CAPN11: variants seen among roughly 807,000 people sequenced by gnomAD.
CAPN11 encodes calpain 11.
A neutral mutation model predicts 105.3 loss-of-function variants in CAPN11; 108 were observed. The observed-to-expected ratio is 1.03, with a 90% CI of 0.88 to 1.20. The LOEUF (loss-of-function observed/expected upper bound fraction) is 1.20, where lower values mean the gene tolerates loss of function less well. Among genes scored for constraint, CAPN11 ranks in the 50% most tolerant of loss-of-function variants. The probability of loss-of-function intolerance (pLI) is 0.00; values close to 1 mark genes in which losing one functional copy is unlikely to be tolerated. For missense variants in CAPN11, 883 were observed against 924.8 expected, an observed-to-expected ratio of 0.95 and a Z score of 0.59; for synonymous variants, 329 against 344.5, an observed-to-expected ratio of 0.96 and a Z score of 0.50.
intron 2 of CAPN11, among the ~76,000 whole-genome samples, chr6:44,168,610 ATATT>A (rs886360899): frequency 3.3e-5 from 5 of 151,424 alleles, no homozygotes; most frequent in African/African-American, 9.7e-5. Context: ...TTTAAAAAAA[ATATT>A]TATTTATTTA....
intron 21 of CAPN11, 124 bp from the exon 22 acceptor site, chr6:44,183,581 G>C (rs867168682): frequency 5.7e-6 from 5 of 884,940 alleles, no homozygotes; most frequent in Middle Eastern, 4.3e-4. Context: ...CACTTGGCTA[G>C]GGGATTTATG....
chr6:44,175,453 C>T (rs1771806815), intron 7 of CAPN11, among the ~76,000 whole-genome samples: 1 of 149,908 alleles, frequency 6.7e-6, no homozygotes, highest in East Asian at 2.0e-4. Flanking sequence ...GCACTCCAGC[C>T]TGGGTGACAC....
At chr6:44,182,386 A>T (rs570247805) in intron 19 of CAPN11, among the ~76,000 whole-genome samples, 10 of 152,296 alleles carry the variant, frequency 6.6e-5, no homozygotes, top group Non-Finnish European at 1.3e-4. Context: ...TACCCAGTCA[A>T]AATATTTTAT....
chr6:44,169,510 C>A lies in CAPN11; in HGVS notation c.318C>A (p.Asn106Lys). ...DLGPNSKNVQ[N>K]ISWQRPKDII... Reference sequence around the variant, plus strand: ...GCCCCAACTCCAAAAATGTGCAGAACATCTCCTGGCAGCGGCCCAAGGTGG... The same window carrying A: ...GCCCCAACTCCAAAAATGTGCAGAAAATCTCCTGGCAGCGGCCCAAGGTGG... The change falls in exon 3 of 23, where the codon AAC becomes AAA. Residue 106 changes from asparagine to lysine, a missense_variant. Asn to Lys is a moderately conservative substitution (Grantham distance 94). Coordinates refer to ENST00000398776, the MANE Select transcript of CAPN11 (RefSeq NM_007058.4). 1 of 1,589,466 alleles carries A rather than the reference C, an allele frequency of 6.3e-7. No homozygotes were observed. The highest frequency in any genetic ancestry group is 8.6e-7 in the Non-Finnish European group (1 of 1,167,950).
intron 7 of CAPN11, among the ~76,000 whole-genome samples, chr6:44,174,515 C>CAAAAAAAAAAAAAAAAAAAAAAAAAAA (rs66536720): frequency 1.3e-5 from 1 of 77,308 alleles, no homozygotes; most frequent in Admixed American, 1.5e-4. Context: ...TCATCTCTAC[C>CAAAAAAAAAAAAAAAAAAAAAAAAAAA]AAAAAAAAAA....
rs1452153772 is a variant in CAPN11, at chr6:44,172,399, T to C, written c.507T>C (p.Tyr169=). 1.9e-6 allele frequency: 3 copies of C among 1,556,100 alleles called. No individual in the cohort carries two copies. The highest frequency in any genetic ancestry group is 2.6e-6 in the Non-Finnish European group (3 of 1,149,372). The change falls in exon 5 of 23, where the codon TAT becomes TAC. Residue 169 remains tyrosine (Y), a synonymous_variant. Transcript: ENST00000398776. ...VPRGQSFKKN[Y]AGIFHFQIWQ... ...GAGGACAGAGCTTCAAGAAAAACTA[T>C]GCTGGCATCTTCCATTTTCAGGTGA...
chr6:44,177,093 T>A (rs1772185496), intron 11 of CAPN11, 95 bp downstream of exon 11: 1 of 1,503,408 alleles, frequency 6.7e-7, no homozygotes. Flanking sequence ...GTCACCGGAG[T>A]CAGGGTCCAT....
chr6:44,173,186 A>T, intron 6 of CAPN11, 32 bp from the exon 7 acceptor site: 1 of 1,611,714 alleles, frequency 6.2e-7, no homozygotes, highest in African/African-American at 1.3e-5. Flanking sequence ...CCTCCATCCT[A>T]GAGCCCAACA....
chr6:44,180,497 G>C lies in CAPN11; in HGVS notation c.1678G>C (p.Glu560Gln). The change falls in exon 15 of 23, where the codon GAG becomes CAG. Residue 560 changes from glutamate (E) to glutamine (Q), a missense_variant and splice_region_variant. Transcript: ENST00000398776. ...DEVNYAEQLQ[E>Q]EKVSEDDMDQ... is the part of the protein sequence containing the mutation. ...AGTCAACTATGCTGAGCAACTCCAA[G>C]AGGTGAGGGGAGACTGTAGGGCTGG... 6.2e-7 allele frequency: 1 copy of C among 1,613,776 alleles called. No homozygotes were observed. Among genetic ancestry groups the C allele is most frequent in the Non-Finnish European group, 8.5e-7 (1 of 1,179,850 alleles).
chr6:44,182,955 G>A lies in CAPN11; in HGVS notation c.1953G>A (p.Glu651=). 6.2e-7 allele frequency: 1 copy of A among 1,609,060 alleles called. No homozygotes were observed. The highest frequency in any genetic ancestry group is 1.7e-5 in the Admixed American group (1 of 59,286). ...KLKKWMDIFR[E]CDQDHSGTLN... ...TGTCTCTTCAGGACATCTTCAGAGA[G>A]TGTGACCAGGACCATTCAGGCACCT... Residue 651 remains glutamate (E), a synonymous_variant, in exon 20 of 23, where the codon GAG becomes GAA. Coordinates refer to ENST00000398776, the MANE Select transcript of CAPN11 (RefSeq NM_007058.4).
chr6:44,179,306 T>TC (rs1203900964), intron 12 of CAPN11, among the ~76,000 whole-genome samples: 2 of 151,838 alleles, frequency 1.3e-5, no homozygotes, highest in Admixed American at 1.3e-4. Flanking sequence ...GAAGGAATTT[T>TC]TTTTTTTTTT....
Position 44,177,416 on chromosome 6 carries a change from ACGCGGTGGGTGCCTGGCTGGT to A in CAPN11, c.1414_1416+18del. 6.2e-7 allele frequency: 1 copy of A among 1,609,930 alleles called. No homozygotes were observed. The highest frequency in any genetic ancestry group is 2.2e-5 in the East Asian group (1 of 44,792). On this transcript the variant is annotated splice_donor_variant and splice_donor_5th_base_variant and coding_sequence_variant and intron_variant, in exon 12 of 23. Transcript: ENST00000398776. LOFTEE classifies it high-confidence loss of function. Reference sequence around the variant, plus strand: ...CTGCAGACCATTGGCTTTGTCCTCTACGCGGTGGGTGCCTGGCTGGTCTCGCCCGCCACTCACTCTCCCTCA... The same window carrying A: ...CTGCAGACCATTGGCTTTGTCCTCTACTCGCCCGCCACTCACTCTCCCTCA...
Position 44,180,997 on chromosome 6 carries a change from T to A in CAPN11, c.1869T>A (p.Asp623Glu). 1 of 1,612,554 alleles carries A rather than the reference T, an allele frequency of 6.2e-7. No individual in the cohort carries two copies. The highest frequency in any genetic ancestry group is 1.7e-4 in the Middle Eastern group (1 of 6,058). Residue 623 changes from aspartate to glutamate, a missense_variant and splice_region_variant, in exon 18 of 23, where the codon GAT becomes GAA. Physicochemically the swap from Asp to Glu is conservative, Grantham distance 45. Coordinates refer to ENST00000398776, the MANE Select transcript of CAPN11 (RefSeq NM_007058.4). ...GCCGCTGCATGATCAACCTCATGGA[T>A]GTATCCTCCTGTCCAGTGCTCTCTT... ...DACRCMINLM[D>E]KDGSGKLGLL...
chr6:44,172,559 TGCC>T, intron 5 of CAPN11, 139 bp downstream of exon 5: 1 of 603,558 alleles, frequency 1.7e-6, no homozygotes, highest in East Asian at 2.9e-5. Context: ...GAGAAATATC[TGCC>T]CACCAAAGAA....
rs1191400044 is a variant in CAPN11 at position 44,183,212 on chromosome 6, T to A, written c.2111T>A (p.Phe704Tyr). ...IIDFDSFISC[F>Y]LRLKTMFTFF... ...GACTTTGACAGCTTCATCAGCTGTT[T>A]CCTGAGGCTAAAGACCATGTTCAGT... The change falls in exon 21 of 23, where the codon TTC (phenylalanine) becomes TAC (tyrosine). Residue 704 changes from phenylalanine to tyrosine, a missense_variant. Coordinates refer to ENST00000398776, the MANE Select transcript of CAPN11 (RefSeq NM_007058.4). 1 of 1,611,058 alleles carries A rather than the reference T, an allele frequency of 6.2e-7. No homozygotes were observed. Among genetic ancestry groups the A allele is most frequent in the Non-Finnish European group, 8.5e-7 (1 of 1,177,230 alleles).
At position 44,182,973 on chromosome 6, in the gene CAPN11, A is replaced by G; in HGVS notation, c.1971A>G (p.Ser657=). ...TCAGAGAGTGTGACCAGGACCATTC[A>G]GGCACCTTGAACTCCTATGAGATGC... ...DIFRECDQDH[S]GTLNSYEMRL... Residue 657 remains serine, a synonymous_variant, in exon 20 of 23, where the codon TCA becomes TCG. Transcript: ENST00000398776. 2 of 1,611,288 alleles carry G rather than the reference A, an allele frequency of 1.2e-6. No homozygotes were observed. The highest frequency in any genetic ancestry group is 1.1e-5 in the South Asian group (1 of 90,542).
chr6:44,160,616 C>CA lies in CAPN11; in HGVS notation c.16+1760dup, dbSNP rs200051603. On this transcript the variant is annotated intron_variant, in intron 1 of 22. Coordinates refer to ENST00000398776, the MANE Select transcript of CAPN11 (RefSeq NM_007058.4). ...TGGGCGACAGAGTGAGACTCCGCCT[C>CA]AAAAAAAACCTCAAAAAACAACAAC... is the stretch of plus-strand genomic sequence containing the variant. Among the ~76,000 whole-genome samples the CA allele has an allele frequency of 9.5e-3, 1,448 of 151,886 alleles. 26 individuals carry two copies. The highest frequency in any genetic ancestry group is 0.032 in the African/African-American group (1,332 of 41,434).
intron 2 of CAPN11, 37 bp downstream of exon 2, chr6:44,166,866 C>A: frequency 7.3e-7 from 1 of 1,374,982 alleles, no homozygotes; most frequent in Non-Finnish European, 1.0e-6. Context: ...TGTGGCCTCC[C>A]TTTTTCTTCC....
At chr6:44,172,167 G>T (rs929892234) in intron 4 of CAPN11, 135 bp from the exon 5 acceptor site, 2 of 571,480 alleles carry the variant, frequency 3.5e-6, no homozygotes, top group African/African-American at 3.8e-5. Context: ...GAGGGCTGAG[G>T]GAGGGTGCCT....
Sources: allele counts gnomAD v4.1 joint callset (sites outside exome capture counted in the v4.1 genomes callset), GRCh38; gene constraint gnomAD v4.1.1; transcripts MANE v1.5; gene names NCBI Gene and HGNC (gene_info 2026-07-23, HGNC 2026-07-21).